Variants in PALM2AKAP2 observed in about 807,000 individuals in gnomAD.
PALM2AKAP2 encodes PALM2-AKAP2 fusion protein.
In PALM2AKAP2, 37 loss-of-function variants were observed where a neutral mutation model predicts 71.5. That is an observed-to-expected ratio of 0.52 (90% CI 0.40 to 0.68). The LOEUF (loss-of-function observed/expected upper bound fraction) is 0.68. Among genes scored for constraint, PALM2AKAP2 ranks in the 30% least tolerant of loss-of-function variants. The pLI, the probability that PALM2AKAP2 is intolerant of heterozygous loss-of-function variation, is 0.00. For missense variants in PALM2AKAP2, 1,224 were observed against 1,191.8 expected, an observed-to-expected ratio of 1.03 and a Z score of -0.40; for synonymous variants, 468 against 478.8, an observed-to-expected ratio of 0.98 and a Z score of 0.29.
intron 1 of PALM2AKAP2, among the ~76,000 whole-genome samples, chr9:110,103,190 C>T (rs488969): frequency 0.77 from 117,570 of 152,148 alleles, 45,541 homozygotes; most frequent in East Asian, 0.95. Context: ...TACGTTTGTT[C>T]GTAATTCTGT....
At chr9:109,985,953 G>C (rs1247346539) in intron 6 of PALM2AKAP2, among the ~76,000 whole-genome samples, 1 of 152,030 alleles carries the variant, frequency 6.6e-6, no homozygotes, top group Admixed American at 6.6e-5. Context: ...CCCGGCCTTT[G>C]AGTTTTCTTT....
chr9:109,848,933 C>T (rs1828936158), intron 1 of PALM2AKAP2, among the ~76,000 whole-genome samples: 1 of 151,346 alleles, frequency 6.6e-6, no homozygotes, highest in Non-Finnish European at 1.5e-5. Flanking sequence ...CAATTATAGA[C>T]TTGAGTAGTT....
intron 1 of PALM2AKAP2, among the ~76,000 whole-genome samples, chr9:109,767,847 G>A (rs1218292849): frequency 6.6e-6 from 1 of 152,212 alleles, no homozygotes; most frequent in Non-Finnish European, 1.5e-5. Flanking sequence ...TGGAAAAAAG[G>A]CAGCTGATCT....
chr9:109,670,143 G>A (rs1162014965), intron 1 of PALM2AKAP2, among the ~76,000 whole-genome samples: 3 of 151,824 alleles, frequency 2.0e-5, no homozygotes, highest in Admixed American at 2.0e-4. Flanking sequence ...TGATTTCAGG[G>A]GTACATATGC....
chr9:110,129,710 C>T (rs1419500261), intron 1 of PALM2AKAP2, among the ~76,000 whole-genome samples: 1 of 152,208 alleles, frequency 6.6e-6, no homozygotes, highest in African/African-American at 2.4e-5. Context: ...GTCTCATTCA[C>T]TTGTACATTT....
chr9:110,021,414 G>T (rs1252014393), intron 7 of PALM2AKAP2, among the ~76,000 whole-genome samples: 1 of 152,164 alleles, frequency 6.6e-6, no homozygotes. Context: ...AATTTCCGTT[G>T]TTTTAAGCCA....
At chr9:109,726,055 AAC>A (rs1352334627) in intron 1 of PALM2AKAP2, among the ~76,000 whole-genome samples, 1 of 152,186 alleles carries the variant, frequency 6.6e-6, no homozygotes. Flanking sequence ...TAGTACCTTT[AAC>A]ACATTAGCCT....
intron 7 of PALM2AKAP2, among the ~76,000 whole-genome samples, chr9:110,025,600 T>C (rs1833165826): frequency 6.6e-6 from 1 of 152,170 alleles, no homozygotes; most frequent in African/African-American, 2.4e-5. Flanking sequence ...GTTTAACTTT[T>C]TAAAAAGCTG....
intron 1 of PALM2AKAP2, among the ~76,000 whole-genome samples, chr9:109,700,911 C>T (rs192052613): frequency 6.6e-6 from 1 of 152,182 alleles, no homozygotes; most frequent in East Asian, 1.9e-4. Context: ...ATGAGTGTAG[C>T]TGGCAAAAAT....
intron 1 of PALM2AKAP2, among the ~76,000 whole-genome samples, chr9:109,751,386 GT>G (rs1828884300): frequency 6.6e-6 from 1 of 152,128 alleles, no homozygotes; most frequent in Non-Finnish European, 1.5e-5. Context: ...GCTCACTTCA[GT>G]TTTCTCAGTA....
At chr9:110,020,033 T>C (rs1833046177) in intron 7 of PALM2AKAP2, among the ~76,000 whole-genome samples, 1 of 152,226 alleles carries the variant, frequency 6.6e-6, no homozygotes, top group Non-Finnish European at 1.5e-5. Context: ...CCCTCTTACA[T>C]TTAGCTATAG....
intron 1 of PALM2AKAP2, among the ~76,000 whole-genome samples, chr9:110,086,399 T>A (rs1019756874): frequency 2.0e-5 from 3 of 152,234 alleles, no homozygotes; most frequent in Non-Finnish European, 4.4e-5. Flanking sequence ...CAGCACATAG[T>A]AGGCACTAAA....
At chr9:109,789,649 G>A (rs1014216863) in intron 1 of PALM2AKAP2, among the ~76,000 whole-genome samples, 1 of 152,130 alleles carries the variant, frequency 6.6e-6, no homozygotes, top group African/African-American at 2.4e-5. Flanking sequence ...AGAGAACGTG[G>A]AGACTGTAGG....
At chr9:109,857,282 A>T (rs1158718092) in intron 1 of PALM2AKAP2, among the ~76,000 whole-genome samples, 1 of 152,196 alleles carries the variant, frequency 6.6e-6, no homozygotes, top group Admixed American at 6.5e-5. Context: ...TTCCTTTCAG[A>T]TGAAAAGTTA....
At chr9:109,981,201 C>T (rs1200450756) in intron 6 of PALM2AKAP2, among the ~76,000 whole-genome samples, 1 of 152,222 alleles carries the variant, frequency 6.6e-6, no homozygotes, top group Non-Finnish European at 1.5e-5. Context: ...GGTTCTACTT[C>T]TACACTTCCA....
At chr9:109,846,006 A>G (rs1828842644) in intron 1 of PALM2AKAP2, among the ~76,000 whole-genome samples, 1 of 152,244 alleles carries the variant, frequency 6.6e-6, no homozygotes, top group African/African-American at 2.4e-5. Context: ...TATGATAAGC[A>G]CAAATAAGCA....
chr9:110,064,606 T>C (rs1834035416), intron 1 of PALM2AKAP2, among the ~76,000 whole-genome samples: 1 of 152,178 alleles, frequency 6.6e-6, no homozygotes, highest in Non-Finnish European at 1.5e-5. Flanking sequence ...GAGAAGGATA[T>C]GGGGTTGAAC....
chr9:109,663,168 T>C (rs1587858487), intron 1 of PALM2AKAP2, among the ~76,000 whole-genome samples: 1 of 152,170 alleles, frequency 6.6e-6, no homozygotes, highest in African/African-American at 2.4e-5. Flanking sequence ...TTTTGAAAGG[T>C]TTTTTGTGTC....
chr9:109,983,506 C>G (rs1445439896), intron 6 of PALM2AKAP2, among the ~76,000 whole-genome samples: 1 of 152,036 alleles, frequency 6.6e-6, no homozygotes, highest in Non-Finnish European at 1.5e-5. Flanking sequence ...TTCTTAACCC[C>G]ATATTCTACA....
Sources: gnomAD v4.1 joint callset for allele counts (sites outside exome capture counted in the v4.1 genomes callset) on GRCh38, gnomAD v4.1.1 for gene constraint, MANE v1.5 for transcripts, NCBI Gene and HGNC (gene_info 2026-07-23, HGNC 2026-07-21) for gene names.